The following WWOX variants were observed in gnomAD, a reference collection of about 807,000 sequenced individuals.
WWOX encodes WW domain-containing oxidoreductase.
A neutral mutation model predicts 46.2 loss-of-function variants in WWOX; 69 were observed. The ratio of observed to expected loss-of-function variants is 1.49; its 90% CI spans 1.23 to 1.82. The LOEUF is 1.82. Ranked by LOEUF, WWOX falls within the 40% of genes most tolerant of loss-of-function variation. WWOX has a pLI of 0.00. For missense variants in WWOX, 919 were observed against 542.6 expected, an observed-to-expected ratio of 1.69 and a Z score of -6.89; for synonymous variants, 359 against 202.6, an observed-to-expected ratio of 1.77 and a Z score of -6.56.
At chr16:78,924,684 G>C (rs1349758469) in intron 8 of WWOX, among the ~76,000 whole-genome samples, 2 of 152,204 alleles carry the variant, frequency 1.3e-5, no homozygotes, top group Non-Finnish European at 2.9e-5. Context: ...GTTGGCTTCT[G>C]TGTGGGAGAG....
At chr16:78,272,797 C>A (rs2079505044) in intron 5 of WWOX, among the ~76,000 whole-genome samples, 3 of 151,924 alleles carry the variant, frequency 2.0e-5, no homozygotes. Flanking sequence ...GTTTTTAATT[C>A]ACCACACTGT....
chr16:78,353,534 C>T (rs933795592), intron 5 of WWOX, among the ~76,000 whole-genome samples: 1 of 152,176 alleles, frequency 6.6e-6, no homozygotes, highest in Non-Finnish European at 1.5e-5. Flanking sequence ...ACAGGATTAG[C>T]AAGCCAAAGA....
chr16:78,563,515 A>G (rs200494683), intron 8 of WWOX, among the ~76,000 whole-genome samples: 3 of 91,236 alleles, frequency 3.3e-5, no homozygotes, highest in South Asian at 5.7e-4. Flanking sequence ...ACACACACAC[A>G]CGCTTTTTTT....
At chr16:78,588,343 A>G (rs1021061593) in intron 8 of WWOX, among the ~76,000 whole-genome samples, 1 of 152,132 alleles carries the variant, frequency 6.6e-6, no homozygotes, top group Admixed American at 6.5e-5. Flanking sequence ...TCCCAGCCTG[A>G]TTTATTGAGG....
At chr16:78,490,325 C>A (rs779722044) in intron 8 of WWOX, among the ~76,000 whole-genome samples, 1 of 152,072 alleles carries the variant, frequency 6.6e-6, no homozygotes, top group African/African-American at 2.4e-5. Context: ...TAGTAACTTT[C>A]AGGTACAATC....
chr16:78,521,299 C>T (rs992710273), intron 8 of WWOX, among the ~76,000 whole-genome samples: 1 of 152,104 alleles, frequency 6.6e-6, no homozygotes, highest in African/African-American at 2.4e-5. Flanking sequence ...TCAAGTGATC[C>T]TCCCACCTCA....
At chr16:78,948,056 G>T (rs753707858) in intron 8 of WWOX, among the ~76,000 whole-genome samples, 3 of 152,216 alleles carry the variant, frequency 2.0e-5, no homozygotes, top group Non-Finnish European at 4.4e-5. Flanking sequence ...AGGAAAGAAG[G>T]CAGCCTGTGC....
intron 8 of WWOX, among the ~76,000 whole-genome samples, chr16:78,788,582 C>T (rs954744976): frequency 1.3e-5 from 2 of 152,218 alleles, no homozygotes; most frequent in Admixed American, 1.3e-4. Flanking sequence ...CTAGGAAGGG[C>T]TGGAAAGCTC....
chr16:78,299,098 C>T (rs1404054097), intron 5 of WWOX, among the ~76,000 whole-genome samples: 1 of 152,136 alleles, frequency 6.6e-6, no homozygotes, highest in Admixed American at 6.5e-5. Context: ...TAGTTTGTCT[C>T]CAGTGTGGGT....
intron 5 of WWOX, among the ~76,000 whole-genome samples, chr16:78,314,708 T>TG (rs766341757): frequency 0.1 from 7,686 of 74,298 alleles, 366 homozygotes; most frequent in African/African-American, 0.18. Context: ...TTTGTTTTTT[T>TG]TTTTTTTTTT....
At chr16:78,771,122 G>C (rs1597582686) in intron 8 of WWOX, among the ~76,000 whole-genome samples, 2 of 152,198 alleles carry the variant, frequency 1.3e-5, no homozygotes, top group African/African-American at 2.4e-5. Context: ...ATGAAGGGAA[G>C]AGAATTAGCA....
chr16:78,941,153 C>G (rs927103433), intron 8 of WWOX, among the ~76,000 whole-genome samples: 2 of 152,164 alleles, frequency 1.3e-5, no homozygotes, highest in Non-Finnish European at 2.9e-5. Context: ...AGCAGATATA[C>G]TGAACTGGTG....
chr16:78,135,297 C>A (rs771631729), intron 4 of WWOX, among the ~76,000 whole-genome samples: 1 of 152,170 alleles, frequency 6.6e-6, no homozygotes, highest in Non-Finnish European at 1.5e-5. Flanking sequence ...TAGAGCTCTA[C>A]TGTGGTTTAC....
At chr16:79,159,891 C>G (rs968428383) in intron 8 of WWOX, among the ~76,000 whole-genome samples, 1 of 152,146 alleles carries the variant, frequency 6.6e-6, no homozygotes, top group African/African-American at 2.4e-5. Flanking sequence ...GCCGCACCTC[C>G]TCTTTGAAGA....
chr16:78,834,825 A>G (rs1429846633), intron 8 of WWOX, among the ~76,000 whole-genome samples: 1 of 152,220 alleles, frequency 6.6e-6, no homozygotes, highest in Non-Finnish European at 1.5e-5. Flanking sequence ...TGCAATATAT[A>G]AATATGAAGC....
chr16:78,754,444 G>A (rs568639787), intron 8 of WWOX, among the ~76,000 whole-genome samples: 1 of 152,192 alleles, frequency 6.6e-6, no homozygotes, highest in Admixed American at 6.5e-5. Flanking sequence ...GTTTGGCACC[G>A]GATTTGAAAG....
intron 8 of WWOX, among the ~76,000 whole-genome samples, chr16:78,688,007 C>G (rs1001803087): frequency 5.3e-5 from 8 of 152,094 alleles, no homozygotes; most frequent in African/African-American, 1.7e-4. Context: ...CTGCCAATTG[C>G]TGCCGAAACA....
chr16:78,885,206 T>C (rs912795272), intron 8 of WWOX, among the ~76,000 whole-genome samples: 10 of 151,044 alleles, frequency 6.6e-5, no homozygotes, highest in Non-Finnish European at 1.3e-4. Flanking sequence ...TTTTTTTTTT[T>C]TTTAATAGGT....
At chr16:78,382,707 T>C (rs931445271) in intron 5 of WWOX, among the ~76,000 whole-genome samples, 1 of 152,160 alleles carries the variant, frequency 6.6e-6, no homozygotes, top group Non-Finnish European at 1.5e-5. Flanking sequence ...ATGAAAGTCA[T>C]GGTTTGCTTG....
Sources: gnomAD v4.1 joint callset for allele counts (sites outside exome capture counted in the v4.1 genomes callset) on GRCh38, gnomAD v4.1.1 for gene constraint, MANE v1.5 for transcripts, NCBI Gene and HGNC (gene_info 2026-07-23, HGNC 2026-07-21) for gene names.